The following CEP44 variants were observed in gnomAD, a reference collection of about 807,000 sequenced individuals.
The protein encoded by CEP44 is centrosomal protein 44, also known as centrosomal protein of 44 kDa.
CEP44 carries 45 observed loss-of-function variants against 46.7 expected under a neutral mutation model. The observed-to-expected ratio is 0.96, with a 90% CI of 0.76 to 1.24. CEP44 has a LOEUF of 1.24. CEP44 is among the 50% of genes most tolerant of loss of function. The pLI, the probability that CEP44 is intolerant of heterozygous loss-of-function variation, is 0.00. For missense variants in CEP44, 475 were observed against 459.7 expected (o/e 1.03, Z -0.30); for synonymous variants, 142 against 146.0 (o/e 0.97, Z 0.20).
At position 174,326,913 on chromosome 4, in the gene CEP44, G is replaced by A. The variant is rs1742706202; in HGVS notation, c.1087-4569G>A. ...TATGGAATCTGTCTTTTTTTACTTT[G>A]TCTGCTTTGCTACATTTGAGATTTC... On this transcript the variant is annotated intron_variant, in intron 8 of 8. Transcript: ENST00000426172. This position sits in a 1 kb window ranked among gnomAD's most constrained non-coding sequence, Gnocchi z 4.8. Among the ~76,000 whole-genome samples the A allele has an allele frequency of 6.6e-6, 1 of 150,606 alleles. No individual in the cohort carries two copies. Among genetic ancestry groups the A allele is most frequent in the Non-Finnish European group, 1.5e-5 (1 of 67,586 alleles).
rs879420460 is a variant in CEP44, at chr4:174,312,266, G to GT, written c.961+1420dup. On this transcript the variant is annotated intron_variant, in intron 9 of 11. Transcript: ENST00000503780. The surrounding 1 kb of genome is among the most constrained non-coding windows in gnomAD (Gnocchi z 4.5). Reference sequence around the variant, plus strand: ...ACCTATTTAGAAAACACATGGCTAAGTTTTTTTTTTTTAATTTTTTAATTT... The same window carrying GT: ...ACCTATTTAGAAAACACATGGCTAAGTTTTTTTTTTTTTAATTTTTTAATTT... Among the ~76,000 whole-genome samples, 202 of 145,384 alleles carry GT rather than the reference G, an allele frequency of 1.4e-3. No homozygotes were observed. The highest frequency in any genetic ancestry group is 2.3e-3 in the African/African-American group (92 of 39,928).
chr4:174,294,547 T>C (rs1382322828), intron 1 of CEP44, among the ~76,000 whole-genome samples: 1 of 151,730 alleles, frequency 6.6e-6, no homozygotes, highest in Non-Finnish European at 1.5e-5. Context: ...CCGTTCTCAA[T>C]GAGCTGTTGG....
chr4:174,296,763 A>ATTTTTTTT (rs202212472), intron 1 of CEP44, among the ~76,000 whole-genome samples: 18 of 90,398 alleles, frequency 2.0e-4, no homozygotes, highest in Admixed American at 4.1e-4. Flanking sequence ...GTCCTTACTG[A>ATTTTTTTT]TTTTTTTTTT....
At chr4:174,316,732 T>C (rs1741768878) in intron 11 of CEP44, 165 bp downstream of exon 11, 4 of 540,448 alleles carry the variant, frequency 7.4e-6, no homozygotes, top group Non-Finnish European at 9.5e-6. Context: ...CCTACAGTTA[T>C]GTGTTTGTGA....
At position 174,319,053 on chromosome 4, in the gene CEP44, C is replaced by A; in HGVS notation, c.*1670C>A. The A allele has an allele frequency of 1.4e-6, 1 of 691,336 alleles. No homozygotes were observed. Among genetic ancestry groups the A allele is most frequent in the Non-Finnish European group, 1.8e-6 (1 of 562,158 alleles). The allele number at this position is 691,336 out of a possible 1,614,324, so 42.8% of individuals were successfully genotyped here. On this transcript the variant is annotated 3_prime_UTR_variant, in exon 12 of 12. Transcript: ENST00000503780. Reference sequence around the variant, plus strand: ...CAAACTCGTGAGCTAAAGCTACTCGCCCACCTGGATGTCCCAAAGTGCTAG... The same window carrying A: ...CAAACTCGTGAGCTAAAGCTACTCGACCACCTGGATGTCCCAAAGTGCTAG...
intron 5 of CEP44, 85 bp from the exon 6 acceptor site, chr4:174,304,162 G>A: frequency 7.1e-7 from 1 of 1,401,100 alleles, no homozygotes; most frequent in Non-Finnish European, 9.5e-7. Context: ...TTTCATATAT[G>A]AAAATTTAAA....
chr4:174,332,630 A>G (rs1731374866), exon 9 of CEP44: 1 of 152,194 alleles, frequency 6.6e-6, no homozygotes, highest in Non-Finnish European at 1.5e-5. Context: ...CAGATATTTT[A>G]TGGGCTTCAC....
In CEP44 at chr4:174,311,152, C is replaced by T. The variant is rs1296727446; in HGVS notation, c.961+294C>T. Among the ~76,000 whole-genome samples the T allele has an allele frequency of 1.3e-5, 2 of 151,946 alleles. No individual in the cohort carries two copies. The highest frequency in any genetic ancestry group is 4.2e-4 in the South Asian group (2 of 4,804). On this transcript the variant is annotated intron_variant, in intron 9 of 11. Coordinates refer to ENST00000503780, the MANE Select transcript of CEP44 (RefSeq NM_001040157.3). The surrounding 1 kb of genome is among the most constrained non-coding windows in gnomAD (Gnocchi z 4.4). Reference sequence around the variant, plus strand: ...AAGTGCTCTAGGATATTAATGTTGGCCTCCAAGTTTTTAAATTTAAGCTTA... The same window carrying T: ...AAGTGCTCTAGGATATTAATGTTGGTCTCCAAGTTTTTAAATTTAAGCTTA...
At position 174,297,656 on chromosome 4, in the gene CEP44, G is replaced by T. The variant is rs1182136259; in HGVS notation, c.-147-310G>T. On this transcript the variant is annotated intron_variant, in intron 1 of 11. Transcript: ENST00000503780. This position sits in a 1 kb window ranked among gnomAD's most constrained non-coding sequence, Gnocchi z 4.3. ...ATATAGGAAGAAACTTTATTAGTGT[G>T]TGTGTGTGTGTGTGTGTGTGTGTGT... Among the ~76,000 whole-genome samples, 3 of 53,948 alleles carry T rather than the reference G, an allele frequency of 5.6e-5. No individual in the cohort carries two copies. Among genetic ancestry groups the T allele is most frequent in the African/African-American group, 1.6e-4 (3 of 18,630 alleles). 35.4% of individuals were successfully genotyped at this position (53,948 alleles called of 152,430 possible). A position where few individuals can be genotyped will look rare whatever the true frequency, so the allele number is the denominator to read the frequency against.
intron 6 of CEP44, among the ~76,000 whole-genome samples, chr4:174,306,799 G>C (rs1370945405): frequency 6.6e-6 from 1 of 152,030 alleles, no homozygotes; most frequent in Middle Eastern, 3.2e-3. Flanking sequence ...AAAATTGCTA[G>C]CAATCTTATC....
chr4:174,310,835 G>A lies in CEP44; in HGVS notation c.938G>A (p.Ser313Asn). Reference protein sequence around the residue: ...NEVSEDYASCSDMDLLNPHRK... With the variant: ...NEVSEDYASCNDMDLLNPHRK... Reference sequence around the variant, plus strand: ...GTTAGTGAAGACTACGCTTCTTGTAGTGACATGGACCTTCTGAATCCTCGT... The same window carrying A: ...GTTAGTGAAGACTACGCTTCTTGTAATGACATGGACCTTCTGAATCCTCGT... Residue 313 changes from serine (S) to asparagine (N), a missense_variant, in exon 9 of 12, where the codon AGT becomes AAT. Coordinates refer to ENST00000503780, the MANE Select transcript of CEP44 (RefSeq NM_001040157.3). This position sits in a 1 kb window ranked among gnomAD's most constrained non-coding sequence, Gnocchi z 4.2. 1.3e-6 allele frequency: 2 copies of A among 1,521,218 alleles called. No individual in the cohort carries two copies. Among genetic ancestry groups the A allele is most frequent in the Non-Finnish European group, 1.8e-6 (2 of 1,105,608 alleles). 94.2% of individuals were successfully genotyped at this position (1,521,218 alleles called of 1,614,324 possible).
chr4:174,332,793 G>A (rs968971339), exon 9 of CEP44: 4 of 152,104 alleles, frequency 2.6e-5, no homozygotes, highest in Non-Finnish European at 5.9e-5. Context: ...CATAAACTCT[G>A]GCTCAAGCAG....
chr4:174,315,394 T>A (rs1741553890), intron 9 of CEP44, among the ~76,000 whole-genome samples: 1 of 152,124 alleles, frequency 6.6e-6, no homozygotes, highest in Admixed American at 6.5e-5. Context: ...ATTTGAAATG[T>A]TAGGTTTTTC....
chr4:174,308,588 G>A lies in CEP44; in HGVS notation c.508-101G>A, dbSNP rs1412517073. The A allele has an allele frequency of 6.2e-6, 7 of 1,133,302 alleles. No homozygotes were observed. In the Admixed American group the frequency reaches 1.5e-4, roughly 24 times the overall value. 70.2% of individuals were successfully genotyped at this position (1,133,302 alleles called of 1,614,324 possible). ...ACCCCCATGGCACACATTTACTTGTGTAACAAACCTGCACATGGACCCCTG... is the reference window on the plus strand; with the variant it reads ...ACCCCCATGGCACACATTTACTTGTATAACAAACCTGCACATGGACCCCTG... On this transcript the variant is annotated intron_variant, in intron 6 of 11. Transcript: ENST00000503780.
In CEP44 at chr4:174,316,541, C is replaced by A. The variant is rs767154391; in HGVS notation, c.1098C>A (p.Ile366=). Residue 366 remains isoleucine (I), a synonymous_variant, in exon 11 of 12, where the codon ATC becomes ATA. Coordinates refer to ENST00000503780, the MANE Select transcript of CEP44 (RefSeq NM_001040157.3). The part of the protein sequence containing the change: ...GLNEISEETT[I]QKMERMKKMF... ...TTTTTAAATTAAAGGAAACAACAAT[C>A]CAGAAAATGGAAAGGATGAAAAAAA... is the stretch of plus-strand genomic sequence containing the variant. 3.2e-6 allele frequency: 5 copies of A among 1,586,980 alleles called. No individual in the cohort carries two copies. The highest frequency in any genetic ancestry group is 3.6e-5 in the Admixed American group (2 of 55,876).
At chr4:174,315,944 A>G (rs1379352497) in intron 9 of CEP44, among the ~76,000 whole-genome samples, 1 of 152,094 alleles carries the variant, frequency 6.6e-6, no homozygotes, top group Non-Finnish European at 1.5e-5. Context: ...GATTGCTATC[A>G]TGATAATAAT....
At position 174,301,963 on chromosome 4, in the gene CEP44, T is replaced by G; in HGVS notation, c.90-76T>G. The G allele has an allele frequency of 7.9e-7, 1 of 1,272,184 alleles. No homozygotes were observed. The allele number at this position is 1,272,184 out of a possible 1,614,324, so 78.8% of individuals were successfully genotyped here. A position where few individuals can be genotyped will look rare whatever the true frequency, so the allele number is the denominator to read the frequency against. ...AAATTATTATAAACATTTCTAATAT[T>G]TTCTTGATTATCCAACTTTGTGGAA... On this transcript the variant is annotated intron_variant, in intron 3 of 11. Transcript: ENST00000503780. The surrounding 1 kb of genome is among the most constrained non-coding windows in gnomAD (Gnocchi z 4.3).
intron 1 of CEP44, among the ~76,000 whole-genome samples, chr4:174,293,597 T>C (rs1490049565): frequency 2.6e-5 from 4 of 152,218 alleles, no homozygotes; most frequent in South Asian, 4.1e-4. Context: ...ATTCTAATCA[T>C]TTATTGCCAG....
At position 174,326,424 on chromosome 4, in the gene CEP44, T is replaced by C. The variant is rs1742673050; in HGVS notation, c.1087-5058T>C. Among the ~76,000 whole-genome samples, 1 of 152,052 alleles carries C rather than the reference T, an allele frequency of 6.6e-6. No individual in the cohort carries two copies. The highest frequency in any genetic ancestry group is 1.5e-5 in the Non-Finnish European group (1 of 67,956). Reference sequence around the variant, plus strand: ...GAGCCTTACGATAATATACTTTTCATTCTTTCTGCGCCCGCCAAGCCTTTT... The same window carrying C: ...GAGCCTTACGATAATATACTTTTCACTCTTTCTGCGCCCGCCAAGCCTTTT... On this transcript the variant is annotated intron_variant, in intron 8 of 8. Transcript: ENST00000426172. The surrounding 1 kb of genome is among the most constrained non-coding windows in gnomAD (Gnocchi z 4.8).
Sources: allele counts gnomAD v4.1 joint callset (sites outside exome capture counted in the v4.1 genomes callset), GRCh38; gene constraint gnomAD v4.1.1; non-coding constraint Gnocchi (gnomAD v3.1); transcripts MANE v1.5; gene names NCBI Gene and HGNC (gene_info 2026-07-23, HGNC 2026-07-21).